ARHGAP15: variants seen among roughly 807,000 people sequenced by gnomAD.
The protein encoded by ARHGAP15 is rho GTPase-activating protein 15.
In ARHGAP15, 51 loss-of-function variants were observed where a neutral mutation model predicts 63.7. The ratio of observed to expected loss-of-function variants is 0.80; its 90% confidence interval spans 0.64 to 1.01. The LOEUF (loss-of-function observed/expected upper bound fraction) is 1.01, where lower values mean the gene tolerates loss of function less well. Among genes scored for constraint, ARHGAP15 ranks in the 50% least tolerant of loss-of-function variants. ARHGAP15 has a pLI of 0.00. For synonymous variants in ARHGAP15, 191 were observed against 193.8 expected, an observed-to-expected ratio of 0.99 and a Z score of 0.12; for missense variants, 560 against 564.6, an observed-to-expected ratio of 0.99 and a Z score of 0.08.
intron 5 of ARHGAP15, among the ~76,000 whole-genome samples, chr2:143,240,805 A>T (rs1338833175): frequency 6.6e-6 from 1 of 152,226 alleles, no homozygotes; most frequent in Non-Finnish European, 1.5e-5. Context: ...AAACTTTGGA[A>T]GGAAAAAATC....
At chr2:143,171,868 T>C (rs2105049014) in intron 2 of ARHGAP15, 1 of 152,260 alleles carries the variant, frequency 6.6e-6, no homozygotes, top group African/African-American at 2.4e-5. Flanking sequence ...TCTTTTTAAA[T>C]GTTTGTATAA....
intron 6 of ARHGAP15, among the ~76,000 whole-genome samples, chr2:143,291,467 A>T (rs188266109): frequency 6.9e-6 from 1 of 145,896 alleles, no homozygotes; most frequent in South Asian, 2.3e-4. Flanking sequence ...AATGCTTGCT[A>T]AGTGTTATGC....
intron 6 of ARHGAP15, among the ~76,000 whole-genome samples, chr2:143,398,787 T>TG (rs1687877422): frequency 6.6e-6 from 1 of 151,636 alleles, no homozygotes; most frequent in Non-Finnish European, 1.5e-5. Context: ...TTTTTTTTTT[T>TG]GAAATGGTTT....
chr2:143,149,032 T>C (rs1048183855), intron 1 of ARHGAP15, among the ~76,000 whole-genome samples: 1 of 151,996 alleles, frequency 6.6e-6, no homozygotes, highest in African/African-American at 2.4e-5. Flanking sequence ...CCACAACTCA[T>C]TTCCACAGGG....
chr2:143,222,550 A>G (rs1195715581), intron 4 of ARHGAP15, among the ~76,000 whole-genome samples: 1 of 152,210 alleles, frequency 6.6e-6, no homozygotes, highest in Non-Finnish European at 1.5e-5. Flanking sequence ...TTTAAGAGCC[A>G]TTTTTCATCA....
chr2:143,366,728 A>G (rs1331944525), intron 6 of ARHGAP15, among the ~76,000 whole-genome samples: 2 of 152,118 alleles, frequency 1.3e-5, no homozygotes, highest in African/African-American at 4.8e-5. Flanking sequence ...GAAGCAAAAT[A>G]AAATCACACA....
At chr2:143,405,406 G>T (rs1688158655) in intron 6 of ARHGAP15, among the ~76,000 whole-genome samples, 1 of 150,692 alleles carries the variant, frequency 6.6e-6, no homozygotes, top group Non-Finnish European at 1.5e-5. Context: ...GGTTATCCTT[G>T]TACATTTTAG....
chr2:143,170,895 A>G (rs2105046669), intron 2 of ARHGAP15, among the ~76,000 whole-genome samples: 1 of 152,238 alleles, frequency 6.6e-6, no homozygotes, highest in South Asian at 2.1e-4. Context: ...AGACTCCGTG[A>G]AGTCAGACAC....
intron 2 of ARHGAP15, among the ~76,000 whole-genome samples, chr2:143,168,049 A>G (rs1690619211): frequency 6.6e-6 from 1 of 152,160 alleles, no homozygotes; most frequent in Non-Finnish European, 1.5e-5. Flanking sequence ...TAAAGCATAA[A>G]CTTAGAAGTG....
intron 12 of ARHGAP15, chr2:143,683,043 T>C (rs1257097635): frequency 6.6e-6 from 1 of 152,226 alleles, no homozygotes; most frequent in Non-Finnish European, 1.5e-5. Context: ...ACCCACAAAC[T>C]AAAGTATTGC....
chr2:143,288,545 G>C (rs2105108892), intron 6 of ARHGAP15, among the ~76,000 whole-genome samples: 1 of 151,426 alleles, frequency 6.6e-6, no homozygotes, highest in Non-Finnish European at 1.5e-5. Context: ...AAACCTCCGA[G>C]TTATTTTTCT....
At chr2:143,704,274 T>C (rs766468908) in intron 13 of ARHGAP15, among the ~76,000 whole-genome samples, 1 of 152,142 alleles carries the variant, frequency 6.6e-6, no homozygotes, top group Non-Finnish European at 1.5e-5. Context: ...ATCTGGCTGC[T>C]AAGTGGAGAA....
rs533507575 is a variant in ARHGAP15, at chr2:143,490,267, G to T, written c.826+2772G>T. 6.7e-4 allele frequency among the ~76,000 whole-genome samples: 102 copies of T among 152,312 alleles called. 3 individuals carry two copies. The highest frequency in any genetic ancestry group is 1.2e-3 in the Non-Finnish European group (80 of 68,030). ...ACCCGCCTCAGCCTCCCAAAGTGAC[G>T]GGATTACAGGCATGAGCCACCACGC... On this transcript the variant is annotated intron_variant, in intron 9 of 13. Transcript: ENST00000295095.
intron 1 of ARHGAP15, among the ~76,000 whole-genome samples, chr2:143,143,569 T>C (rs1052250581): frequency 6.7e-5 from 10 of 150,218 alleles, no homozygotes; most frequent in East Asian, 1.9e-4. Context: ...TTTTCTTTCT[T>C]TTTTTTTTTT....
At chr2:143,531,114 G>GT (rs374761554) in intron 10 of ARHGAP15, among the ~76,000 whole-genome samples, 2,398 of 148,096 alleles carry the variant, frequency 0.016, 59 homozygotes, top group African/African-American at 0.058. Flanking sequence ...TGCTGTGTGT[G>GT]TATGTGTGTG....
chr2:143,407,942 A>G (rs886714211), intron 6 of ARHGAP15, among the ~76,000 whole-genome samples: 4 of 127,032 alleles, frequency 3.1e-5, no homozygotes, highest in Non-Finnish European at 3.4e-5. Flanking sequence ...TTTCTGGAAT[A>G]ATTTTTCTTC....
At chr2:143,491,375 T>A (rs1281557056) in intron 9 of ARHGAP15, among the ~76,000 whole-genome samples, 1 of 152,236 alleles carries the variant, frequency 6.6e-6, no homozygotes, top group Admixed American at 6.5e-5. Context: ...TTAGAGAAGA[T>A]AACCATTGTT....
chr2:143,589,029 T>A (rs999440380), intron 11 of ARHGAP15, among the ~76,000 whole-genome samples: 26 of 152,298 alleles, frequency 1.7e-4, no homozygotes, highest in African/African-American at 6.0e-4. Context: ...AAACTAGGCA[T>A]GAAAAAAACT....
intron 6 of ARHGAP15, among the ~76,000 whole-genome samples, chr2:143,352,012 CA>C (rs1685595261): frequency 6.6e-6 from 1 of 152,030 alleles, no homozygotes; most frequent in African/African-American, 2.4e-5. Context: ...TCATAAGAAA[CA>C]GACATCATTC....
Sources: allele counts gnomAD v4.1 joint callset (sites outside exome capture counted in the v4.1 genomes callset), GRCh38; gene constraint gnomAD v4.1.1; transcripts MANE v1.5; gene names NCBI Gene and HGNC (gene_info 2026-07-23, HGNC 2026-07-21).